The following RPS19 variants were observed in gnomAD, a reference collection of about 807,000 sequenced individuals.
RPS19 encodes the protein small ribosomal subunit protein eS19.
A neutral mutation model predicts 20.3 loss-of-function variants in RPS19; 1 was observed. The observed-to-expected ratio is 0.05, with a 90% confidence interval of 0.02 to 0.23. The LOEUF is 0.23. Among genes scored for constraint, RPS19 ranks in the 10% least tolerant of loss-of-function variants. The probability of loss-of-function intolerance (pLI) is 1.00; values close to 1 mark genes in which losing one functional copy is unlikely to be tolerated. For synonymous variants in RPS19, 87 were observed against 74.8 expected, an observed-to-expected ratio of 1.16 and a Z score of -0.84; for missense variants, 111 against 192.7, an observed-to-expected ratio of 0.58 and a Z score of 2.51.
intron 1 of RPS19, chr19:41,860,542 G>A: frequency 1.7e-6 from 1 of 575,030 alleles, no homozygotes; most frequent in South Asian, 1.9e-5. Flanking sequence ...GGGTCGCGCA[G>A]GATCCTCACA....
At chr19:41,864,606 C>T (rs1465023837) in intron 3 of RPS19, 5 of 152,308 alleles carry the variant, frequency 3.3e-5, no homozygotes, top group African/African-American at 9.7e-5. Flanking sequence ...CACAGCTGCC[C>T]TCCCTTGACC....
At chr19:41,867,077 G>A (rs2074098145) in intron 3 of RPS19, among the ~76,000 whole-genome samples, 1 of 151,780 alleles carries the variant, frequency 6.6e-6, no homozygotes, top group Admixed American at 6.6e-5. Flanking sequence ...CAGCACTTTG[G>A]GAGGCCAAGA....
At position 41,872,219 on chromosome 19, in the gene RPS19, G is replaced by C. The variant is rs1471142084; in HGVS notation, c.*842G>C. ...GGCTGGGAGATCCAAATAGCACCCA[G>C]TGGGCAGCTGTCCGACCCCTGGAGG... is the stretch of plus-strand genomic sequence containing the variant. On this transcript the variant is annotated 3_prime_UTR_variant, in exon 6 of 6. Transcript: ENST00000598742. 1.3e-5 allele frequency: 2 copies of C among 152,304 alleles called. No homozygotes were observed. Among genetic ancestry groups the C allele is most frequent in the Non-Finnish European group, 2.9e-5 (2 of 68,072 alleles). 9.4% of individuals were successfully genotyped at this position (152,304 alleles called of 1,614,324 possible).
chr19:41,865,502 C>T (rs1248343466), intron 3 of RPS19, among the ~76,000 whole-genome samples: 1 of 152,170 alleles, frequency 6.6e-6, no homozygotes, highest in Non-Finnish European at 1.5e-5. Context: ...TGTGTCCCTC[C>T]TGAGGAGGAA....
intron 3 of RPS19, among the ~76,000 whole-genome samples, chr19:41,863,003 T>G (rs1555839625): frequency 6.6e-6 from 1 of 152,208 alleles, no homozygotes; most frequent in Admixed American, 6.5e-5. Context: ...CTACAAAGCC[T>G]GAAATATTTC....
At position 41,871,541 on chromosome 19, in the gene RPS19, C is replaced by A; in HGVS notation, c.*164C>A. 1.5e-6 allele frequency: 1 copy of A among 674,094 alleles called. No homozygotes were observed. The highest frequency in any genetic ancestry group is 2.7e-6 in the Non-Finnish European group (1 of 375,640). 41.8% of individuals were successfully genotyped at this position (674,094 alleles called of 1,614,324 possible). A position where few individuals can be genotyped will look rare whatever the true frequency, so the allele number is the denominator to read the frequency against. ...AAATGATTCTCCTGCCTCAGCCTCCCAAAGTGCTGGGATTACAAGTGTGAG... is the reference window on the plus strand; with the variant it reads ...AAATGATTCTCCTGCCTCAGCCTCCAAAAGTGCTGGGATTACAAGTGTGAG... On this transcript the variant is annotated 3_prime_UTR_variant, in exon 6 of 6. Transcript: ENST00000598742.
rs1336616902 is a variant in RPS19 at position 41,871,666 on chromosome 19, T to G, written c.*289T>G. 4.7e-6 allele frequency: 2 copies of G among 423,244 alleles called. No individual in the cohort carries two copies. The highest frequency in any genetic ancestry group is 5.0e-5 in the South Asian group (2 of 40,278). 26.2% of individuals were successfully genotyped at this position (423,244 alleles called of 1,614,324 possible). A position where few individuals can be genotyped will look rare whatever the true frequency, so the allele number is the denominator to read the frequency against. On this transcript the variant is annotated 3_prime_UTR_variant, in exon 6 of 6. Coordinates refer to ENST00000598742, the MANE Select transcript of RPS19 (RefSeq NM_001022.4). ...CTTGGGTGAGGGGGCCCAGGGTGAT[T>G]GGGTGGCTGTTTACCCGGCAGCCAG...
chr19:41,863,402 C>T (rs782168767), intron 3 of RPS19, among the ~76,000 whole-genome samples: 8 of 152,130 alleles, frequency 5.3e-5, no homozygotes, highest in Non-Finnish European at 1.0e-4. Context: ...TGCAGACGGG[C>T]GAAGGGACTT....
At chr19:41,862,585 G>A (rs139867843) in intron 3 of RPS19, among the ~76,000 whole-genome samples, 2,331 of 151,702 alleles carry the variant, frequency 0.015, 26 homozygotes, top group Middle Eastern at 0.042. Flanking sequence ...GTGAAGACAC[G>A]TTCTGCACAT....
Position 41,861,295 on chromosome 19 carries a change from T to C in RPS19, c.172+83T>C. ...CCATACTTCCCTGTCTCCTCTGAGC[T>C]CTTTCCCGCCCCAAGAGGGAGAGAA... On this transcript the variant is annotated intron_variant, in intron 3 of 5. Coordinates refer to ENST00000598742, the MANE Select transcript of RPS19 (RefSeq NM_001022.4). 1.4e-5 allele frequency: 14 copies of C among 997,212 alleles called. No individual in the cohort carries two copies. The South Asian group carries it at 1.8e-4, about 13-fold the overall frequency. 61.8% of individuals were successfully genotyped at this position (997,212 alleles called of 1,614,324 possible).
At chr19:41,865,112 C>T (rs1226173880) in intron 3 of RPS19, among the ~76,000 whole-genome samples, 1 of 152,078 alleles carries the variant, frequency 6.6e-6, no homozygotes, top group Non-Finnish European at 1.5e-5. Context: ...ATTGAAGAAC[C>T]TAATAGGCCT....
At chr19:41,863,935 C>T (rs1267256079) in intron 3 of RPS19, 3 of 150,438 alleles carry the variant, frequency 2.0e-5, no homozygotes, top group East Asian at 2.0e-4. Flanking sequence ...CTCTGCCTGC[C>T]GGGTTCAAGC....
chr19:41,860,956 G>A (rs2074023487), intron 2 of RPS19, 111 bp downstream of exon 2: 7 of 1,157,608 alleles, frequency 6.0e-6, no homozygotes, highest in Admixed American at 5.1e-5. Context: ...TGGGGCCTCC[G>A]TGGCTCCTTT....
In RPS19 at chr19:41,860,768, C is replaced by G; in HGVS notation, c.1-7C>G. ...CCTGTGTTCACATGCTTGACTTTCTCCCTCAGATGCCTGGAGTTACTGTAA... is the reference window on the plus strand; with the variant it reads ...CCTGTGTTCACATGCTTGACTTTCTGCCTCAGATGCCTGGAGTTACTGTAA... On this transcript the variant is annotated splice_region_variant and splice_polypyrimidine_tract_variant and intron_variant, in intron 1 of 5. Coordinates refer to ENST00000598742, the MANE Select transcript of RPS19 (RefSeq NM_001022.4). 6.2e-7 allele frequency: 1 copy of G among 1,611,382 alleles called. No homozygotes were observed. Among genetic ancestry groups the G allele is most frequent in the South Asian group, 1.1e-5 (1 of 91,038 alleles).
chr19:41,864,448 A>T (rs1164099050), intron 3 of RPS19: 1 of 152,222 alleles, frequency 6.6e-6, no homozygotes, highest in Non-Finnish European at 1.5e-5. Flanking sequence ...TGTGCTGGGG[A>T]AGTTCTTCCC....
At chr19:41,867,755 T>C (rs2074105169) in intron 3 of RPS19, among the ~76,000 whole-genome samples, 1 of 151,648 alleles carries the variant, frequency 6.6e-6, no homozygotes, top group South Asian at 2.1e-4. Flanking sequence ...CAGTGAGCTA[T>C]GATCACACCA....
chr19:41,860,602 G>A, intron 1 of RPS19, 173 bp from the exon 2 acceptor site: 1 of 721,074 alleles, frequency 1.4e-6, no homozygotes. Flanking sequence ...GTGGGCGTCG[G>A]TGAGCTCCTT....
intron 3 of RPS19, among the ~76,000 whole-genome samples, chr19:41,868,719 A>T (rs2074113766): frequency 6.6e-6 from 1 of 152,028 alleles, no homozygotes; most frequent in Non-Finnish European, 1.5e-5. Context: ...GCCCATGGAG[A>T]TGGTCACAGC....
intron 3 of RPS19, chr19:41,861,413 G>T: frequency 1.7e-6 from 1 of 600,382 alleles, no homozygotes; most frequent in Non-Finnish European, 3.0e-6. Flanking sequence ...CTTTGTGAGA[G>T]GAGGACCTGT....
Sources: allele counts gnomAD v4.1 joint callset (sites outside exome capture counted in the v4.1 genomes callset), GRCh38; gene constraint gnomAD v4.1.1; transcripts MANE v1.5; gene names NCBI Gene and HGNC (gene_info 2026-07-23, HGNC 2026-07-21).